NFIL3: variants seen among roughly 807,000 people sequenced by gnomAD.
NFIL3 encodes nuclear factor, interleukin 3 regulated.
A neutral mutation model predicts 10.0 loss-of-function variants in NFIL3; 5 were observed. The observed-to-expected ratio is 0.50, with a 90% CI of 0.26 to 1.06. The LOEUF (loss-of-function observed/expected upper bound fraction) is 1.06, where lower values mean the gene tolerates loss of function less well. Ranked by LOEUF, NFIL3 falls within the 50% of genes least tolerant of loss-of-function variation. The pLI, the probability that NFIL3 is intolerant of heterozygous loss-of-function variation, is 0.13. For missense variants in NFIL3, 436 were observed against 547.6 expected (o/e 0.80, Z 2.03); for synonymous variants, 202 against 206.5 (o/e 0.98, Z 0.19).
chr9:91,472,403 C>T, the NFIL3 span, among the ~76,000 whole-genome samples: 1 of 152,136 alleles, frequency 6.6e-6, no homozygotes, highest in African/African-American at 2.4e-5. Flanking sequence ...TTGTTAATTT[C>T]TTTTTACTCT....
At position 91,409,841 on chromosome 9, in the gene NFIL3, G is replaced by A. The variant is rs1564154434; in HGVS notation, c.894C>T (p.Pro298=). The change falls in exon 2 of 2, where the codon CCC becomes CCT. Residue 298 remains proline (P), a synonymous_variant. Transcript: ENST00000297689. ...GCTTGAGTTCAACTGGAGAATGGATGGGGCCCTTGGGGACCTGTTGCTCGT... is the reference window on the plus strand; with the variant it reads ...GCTTGAGTTCAACTGGAGAATGGATAGGGCCCTTGGGGACCTGTTGCTCGT... ...GEDEQQVPKG[P]IHSPVELKHV... is the part of the protein sequence containing the mutation. 1.2e-6 allele frequency: 2 copies of A among 1,613,926 alleles called. No individual in the cohort carries two copies. Among genetic ancestry groups the A allele is most frequent in the South Asian group, 2.2e-5 (2 of 91,070 alleles).
rs1359281809 is a variant in NFIL3, at chr9:91,423,813, C to G, written c.-346G>C. 21 of 144,974 alleles carry G rather than the reference C, an allele frequency of 1.4e-4. No individual in the cohort carries two copies. Among genetic ancestry groups the G allele is most frequent in the Admixed American group, 1.4e-3 (20 of 14,676 alleles). 9.0% of individuals were successfully genotyped at this position (144,974 alleles called of 1,614,324 possible). ...GCGCCGGGTCCGCGGGCGCCGTGGC[C>G]GCGCGGAGAGATGTGTGTTAGTAGG... On this transcript the variant is annotated 5_prime_UTR_variant, in exon 1 of 2. Coordinates refer to ENST00000297689, the MANE Select transcript of NFIL3 (RefSeq NM_005384.3).
At chr9:91,424,954 T>G (rs1281192685), upstream of NFIL3, among the ~76,000 whole-genome samples, 1 of 152,240 alleles carries the variant, frequency 6.6e-6, no homozygotes, top group Non-Finnish European at 1.5e-5. Context: ...CCGCGACTTC[T>G]TAAGTCGTCG....
the NFIL3 span, among the ~76,000 whole-genome samples, chr9:91,483,116 G>C: frequency 2.2e-3 from 338 of 152,152 alleles, 2 homozygotes; most frequent in African/African-American, 7.7e-3. Flanking sequence ...TCTCTCCCTG[G>C]TGGTGGGTTC....
At chr9:91,466,680 T>C in the NFIL3 span, among the ~76,000 whole-genome samples, 2 of 152,180 alleles carry the variant, frequency 1.3e-5, no homozygotes, top group Non-Finnish European at 2.9e-5. Context: ...TAATGCACTT[T>C]TGGCCATACG....
At chr9:91,412,808 C>T (rs1271489201) in intron 1 of NFIL3, among the ~76,000 whole-genome samples, 7 of 149,730 alleles carry the variant, frequency 4.7e-5, no homozygotes, top group South Asian at 2.1e-4. Flanking sequence ...GCCAAGATCG[C>T]GCCATTGCAC....
chr9:91,432,126 T>A, the NFIL3 span, among the ~76,000 whole-genome samples: 1 of 152,108 alleles, frequency 6.6e-6, no homozygotes, highest in Non-Finnish European at 1.5e-5. Flanking sequence ...CCGGGGCAGG[T>A]GACACAACCC....
chr9:91,469,609 A>G, the NFIL3 span, among the ~76,000 whole-genome samples: 6 of 152,128 alleles, frequency 3.9e-5, no homozygotes, highest in African/African-American at 1.4e-4. Flanking sequence ...GTCTTGTGCC[A>G]GTTTTCAAAG....
At chr9:91,424,548 C>G (rs1002326450), upstream of NFIL3, among the ~76,000 whole-genome samples, 2 of 152,184 alleles carry the variant, frequency 1.3e-5, no homozygotes, top group African/African-American at 4.8e-5. Flanking sequence ...TAAAATGTCC[C>G]GGCGCCTCTC....
the NFIL3 span, among the ~76,000 whole-genome samples, chr9:91,469,551 G>A: frequency 2.0e-5 from 3 of 152,284 alleles, no homozygotes; most frequent in South Asian, 6.2e-4. Flanking sequence ...GCCCTGGCCA[G>A]AACTTCCAAC....
the NFIL3 span, among the ~76,000 whole-genome samples, chr9:91,431,538 G>T: frequency 7.2e-5 from 11 of 152,192 alleles, no homozygotes; most frequent in Admixed American, 7.2e-4. Context: ...TGAGCTTAGG[G>T]ATGCACTGGC....
chr9:91,472,206 A>G, the NFIL3 span, among the ~76,000 whole-genome samples: 1 of 152,222 alleles, frequency 6.6e-6, no homozygotes, highest in African/African-American at 2.4e-5. Context: ...CTCAAGGAGT[A>G]TCTTTGTGGT....
chr9:91,462,981 G>A, the NFIL3 span, among the ~76,000 whole-genome samples: 5 of 149,682 alleles, frequency 3.3e-5, no homozygotes, highest in Non-Finnish European at 6.0e-5. Context: ...TGTGGCCACA[G>A]AATTGTTTGA....
the NFIL3 span, among the ~76,000 whole-genome samples, chr9:91,442,849 C>A: frequency 1.5e-3 from 222 of 152,248 alleles, no homozygotes; most frequent in Admixed American, 3.9e-3. Context: ...GGCCACAGCT[C>A]TTCTCTCCTT....
chr9:91,446,857 C>T, the NFIL3 span, among the ~76,000 whole-genome samples: 5 of 150,746 alleles, frequency 3.3e-5, no homozygotes, highest in African/African-American at 4.9e-5. Flanking sequence ...CTCTTGTTGC[C>T]CAGGCTGGAA....
intron 1 of NFIL3, among the ~76,000 whole-genome samples, chr9:91,423,051 C>T (rs759887689): frequency 6.6e-6 from 1 of 152,186 alleles, no homozygotes; most frequent in African/African-American, 2.4e-5. Flanking sequence ...TTGTAAAACA[C>T]GCTGACGACA....
At chr9:91,478,288 AT>A in the NFIL3 span, among the ~76,000 whole-genome samples, 1 of 152,104 alleles carries the variant, frequency 6.6e-6, no homozygotes. Context: ...AGGTACACCA[AT>A]CAGACACAGG....
At chr9:91,443,250 G>T in the NFIL3 span, among the ~76,000 whole-genome samples, 3 of 152,208 alleles carry the variant, frequency 2.0e-5, no homozygotes, top group African/African-American at 7.2e-5. Flanking sequence ...CCACGGGCAG[G>T]CCTGGAAAAA....
chr9:91,412,829 G>T (rs1833578991), intron 1 of NFIL3, among the ~76,000 whole-genome samples: 1 of 151,110 alleles, frequency 6.6e-6, no homozygotes, highest in South Asian at 2.1e-4. Context: ...TCCAGCCTGG[G>T]GGACAAGAGC....
Sources: allele counts gnomAD v4.1 joint callset (sites outside exome capture counted in the v4.1 genomes callset), GRCh38; gene constraint gnomAD v4.1.1; transcripts MANE v1.5; gene names NCBI Gene and HGNC (gene_info 2026-07-23, HGNC 2026-07-21).